CCDC88A: variants seen among roughly 807,000 people sequenced by gnomAD.
CCDC88A encodes the protein coiled-coil and HOOK domain protein 88A.
In CCDC88A, 54 loss-of-function variants were observed where a neutral mutation model predicts 234.3. The ratio of observed to expected loss-of-function variants is 0.23; its 90% CI spans 0.19 to 0.29. The LOEUF is 0.29. Among genes scored for constraint, CCDC88A ranks in the 10% least tolerant of loss-of-function variants. The probability of loss-of-function intolerance (pLI) is 1.00; values close to 1 mark genes in which losing one functional copy is unlikely to be tolerated. For missense variants in CCDC88A, 1,832 were observed against 2,123.4 expected (o/e 0.86, Z 2.70); for synonymous variants, 753 against 737.8 (o/e 1.02, Z -0.33).
chr2:55,377,786 T>A (rs1425491001), intron 3 of CCDC88A, among the ~76,000 whole-genome samples: 1 of 150,348 alleles, frequency 6.7e-6, no homozygotes, highest in Non-Finnish European at 1.5e-5. Flanking sequence ...ATTTTTGTAT[T>A]TTTAGTAGAC....
chr2:55,368,446 C>T (rs1672332441), intron 5 of CCDC88A, among the ~76,000 whole-genome samples: 1 of 150,614 alleles, frequency 6.6e-6, no homozygotes, highest in South Asian at 2.1e-4. Context: ...TTCTCTCTCT[C>T]TTTCCCCCCT....
intron 9 of CCDC88A, among the ~76,000 whole-genome samples, chr2:55,347,295 G>C (rs1393663168): frequency 1.3e-5 from 2 of 152,110 alleles, no homozygotes; most frequent in Admixed American, 1.3e-4. Flanking sequence ...AGGGTCTTCT[G>C]TGGACCCTGA....
intron 23 of CCDC88A, among the ~76,000 whole-genome samples, chr2:55,311,511 A>C (rs1243187404): frequency 6.6e-6 from 1 of 152,248 alleles, no homozygotes; most frequent in African/African-American, 2.4e-5. Context: ...TCCTTGAATA[A>C]TCTAGAAAGT....
intron 7 of CCDC88A, among the ~76,000 whole-genome samples, chr2:55,357,389 C>T (rs938707867): frequency 2.7e-5 from 4 of 150,024 alleles, no homozygotes; most frequent in Admixed American, 2.7e-4. Context: ...TCTCTCCCTC[C>T]TCTCTCTCCT....
chr2:55,360,621 T>A (rs1671164384), intron 7 of CCDC88A, among the ~76,000 whole-genome samples: 1 of 152,214 alleles, frequency 6.6e-6, no homozygotes, highest in African/African-American at 2.4e-5. Flanking sequence ...AAAAGGTTTT[T>A]CAAACAATCA....
intron 7 of CCDC88A, among the ~76,000 whole-genome samples, chr2:55,360,356 A>T (rs1418051146): frequency 6.6e-6 from 1 of 152,250 alleles, no homozygotes; most frequent in East Asian, 1.9e-4. Context: ...AATGACATAG[A>T]ATTAGATTTA....
At chr2:55,343,883 C>T in intron 11 of CCDC88A, 91 bp from the exon 12 acceptor site, 1 of 1,058,350 alleles carries the variant, frequency 9.4e-7, no homozygotes, top group African/African-American at 1.6e-5. Flanking sequence ...TTTTATTTAT[C>T]AGAAACTCAG....
chr2:55,381,171 G>A (rs973788422), intron 3 of CCDC88A, among the ~76,000 whole-genome samples: 1 of 152,032 alleles, frequency 6.6e-6, no homozygotes, highest in Non-Finnish European at 1.5e-5. Context: ...ACCATATACC[G>A]TAGGTGTGTA....
intron 8 of CCDC88A, 189 bp from the exon 9 acceptor site, chr2:55,349,788 A>G (rs1669639396): frequency 2.1e-6 from 1 of 485,400 alleles, no homozygotes; most frequent in Non-Finnish European, 3.6e-6. Context: ...CATTAATAAA[A>G]CCTCTTCCCT....
chr2:55,418,940 A>G, intron 1 of CCDC88A, 24 bp from the exon 2 acceptor site: 1 of 1,603,208 alleles, frequency 6.2e-7, no homozygotes. Flanking sequence ...AAGGATCACC[A>G]CGACATGAAC....
At chr2:55,355,950 T>G (rs1472609151) in intron 7 of CCDC88A, 199 bp from the exon 8 acceptor site, 1 of 406,044 alleles carries the variant, frequency 2.5e-6, no homozygotes, top group Non-Finnish European at 4.3e-6. Flanking sequence ...CAAATGACAC[T>G]TAACAAGATA....
At chr2:55,401,232 C>T (rs1678560083) in intron 2 of CCDC88A, among the ~76,000 whole-genome samples, 1 of 151,064 alleles carries the variant, frequency 6.6e-6, no homozygotes, top group Admixed American at 6.6e-5. Flanking sequence ...GAGTTTGAGA[C>T]CAGCCTGTAC....
chr2:55,324,792 T>G (rs1017699652), intron 17 of CCDC88A, among the ~76,000 whole-genome samples: 4 of 152,028 alleles, frequency 2.6e-5, no homozygotes, highest in Non-Finnish European at 5.9e-5. Flanking sequence ...ACTACAGGTG[T>G]GCGCCACCAC....
Position 55,334,716 on chromosome 2 carries a change from T to C in CCDC88A, c.2105A>G (p.Glu702Gly). The change falls in exon 15 of 33, where the codon GAA becomes GGA. Residue 702 changes from glutamate to glycine, a missense_variant. Glu to Gly is a moderately conservative substitution (Grantham distance 98, BLOSUM62 -2). Around this residue, in one of 6 missense-constraint regions of CCDC88A, gnomAD observed 1,282 missense variants for 1,543.6 expected, o/e 0.83. Transcript: ENST00000436346. The surrounding 1 kb of genome is among the most constrained non-coding windows in gnomAD (Gnocchi z 6.1). ...TACATTCCTTCGCAGTTCTAAGTTT[T>C]CCTCATCAAGTTGGGAATTCTCTTT... ...LEKENSQLDE[E>G]NLELRRNVES... is the part of the protein sequence containing the mutation. The C allele has an allele frequency of 6.2e-7, 1 of 1,613,208 alleles. No homozygotes were observed. The highest frequency in any genetic ancestry group is 8.5e-7 in the Non-Finnish European group (1 of 1,179,628).
At chr2:55,349,430 C>A in intron 9 of CCDC88A, 88 bp downstream of exon 9, 1 of 918,246 alleles carries the variant, frequency 1.1e-6, no homozygotes, top group Admixed American at 2.2e-5. Flanking sequence ...TTACATAAAG[C>A]ATTGAAGTAA....
Position 55,355,566 on chromosome 2 carries a change from A to T in CCDC88A, c.800+13T>A. The stretch of plus-strand genomic sequence containing the variant: ...CATATAAATTCAATGAACCTCAAAA[A>T]TCAGCAACTTACAATTCCTGCCTAA... On this transcript the variant is annotated intron_variant, in intron 8 of 32. Coordinates refer to ENST00000436346, the MANE Select transcript of CCDC88A (RefSeq NM_001365480.1). 2 of 1,612,540 alleles carry T rather than the reference A, an allele frequency of 1.2e-6. No homozygotes were observed. The highest frequency in any genetic ancestry group is 1.7e-6 in the Non-Finnish European group (2 of 1,178,588).
chr2:55,302,197 C>A (rs1213393952), intron 26 of CCDC88A, 125 bp from the exon 27 acceptor site: 2 of 697,774 alleles, frequency 2.9e-6, no homozygotes, highest in Admixed American at 2.8e-5. Context: ...AAAATTATAA[C>A]CACATGGTCA....
At chr2:55,406,690 C>A (rs1679645979) in intron 2 of CCDC88A, among the ~76,000 whole-genome samples, 1 of 151,978 alleles carries the variant, frequency 6.6e-6, no homozygotes, top group Admixed American at 6.6e-5. Flanking sequence ...TCCCAGGAGG[C>A]AGAGGCTGCA....
intron 3 of CCDC88A, among the ~76,000 whole-genome samples, chr2:55,375,512 T>TATATATATATATATAC (rs1491498389): frequency 2.9e-4 from 4 of 13,848 alleles, no homozygotes; most frequent in African/African-American, 5.0e-4. Flanking sequence ...TATATATATA[T>TATATATATATATATAC]GTATGTATGT....
Sources: gnomAD v4.1 joint callset for allele counts (sites outside exome capture counted in the v4.1 genomes callset) on GRCh38, gnomAD v4.1.1 for gene constraint, gnomAD v4.1.1 regional missense constraint, Gnocchi (gnomAD v3.1) non-coding constraint, MANE v1.5 for transcripts, NCBI Gene and HGNC (gene_info 2026-07-23, HGNC 2026-07-21) for gene names.